The following RADIL variants were observed in gnomAD, a reference collection of about 807,000 sequenced individuals.
The protein encoded by RADIL is ras-associating and dilute domain-containing protein.
RADIL carries 99 observed loss-of-function variants against 97.6 expected under a neutral mutation model. That is an observed-to-expected ratio of 1.01 (90% CI 0.86 to 1.20). The LOEUF (loss-of-function observed/expected upper bound fraction) is 1.20. Among genes scored for constraint, RADIL ranks in the 50% most tolerant of loss-of-function variants. The pLI is 0.00. For missense variants in RADIL, 1,765 were observed against 1,498.9 expected (o/e 1.18, Z -2.93); for synonymous variants, 803 against 691.8 (o/e 1.16, Z -2.52).
At position 4,824,385 on chromosome 7, in the gene RADIL, G is replaced by A. The variant is rs1782917759; in HGVS notation, c.1455-1831C>T. Among the ~76,000 whole-genome samples the A allele has an allele frequency of 6.6e-6, 1 of 152,204 alleles. No individual in the cohort carries two copies. Among genetic ancestry groups the A allele is most frequent in the African/African-American group, 2.4e-5 (1 of 41,454 alleles). On this transcript the variant is annotated intron_variant, in intron 5 of 14. Coordinates refer to ENST00000399583, the MANE Select transcript of RADIL (RefSeq NM_018059.5). This position sits in a 1 kb window ranked among gnomAD's most constrained non-coding sequence, Gnocchi z 6.7. Reference sequence around the variant, plus strand: ...CCCGGCCTGGGGTCCTTTGAAAGGTGCCAAGCCCACAGGAAATGCCACCAG... The same window carrying A: ...CCCGGCCTGGGGTCCTTTGAAAGGTACCAAGCCCACAGGAAATGCCACCAG...
intron 2 of RADIL, chr7:4,860,404 A>G (rs755742760): frequency 1.9e-6 from 3 of 1,613,880 alleles, no homozygotes; most frequent in Non-Finnish European, 2.5e-6. Context: ...CTGCTTGCCT[A>G]TAAACAGTAT....
chr7:4,875,090 G>A (rs1344612741), intron 2 of RADIL, among the ~76,000 whole-genome samples: 2 of 144,206 alleles, frequency 1.4e-5, no homozygotes, highest in Admixed American at 1.3e-4. Context: ...TACTCGGGAG[G>A]CTGAGGCAGG....
chr7:4,875,063 G>A (rs545182889), intron 2 of RADIL, among the ~76,000 whole-genome samples: 6 of 136,440 alleles, frequency 4.4e-5, no homozygotes, highest in South Asian at 2.1e-4. Flanking sequence ...GTGGTGGCGG[G>A]CGCCTGTAGT....
chr7:4,816,282 C>G lies in RADIL; in HGVS notation c.1912G>C (p.Ala638Pro), dbSNP rs749390424. 5.0e-6 allele frequency: 8 copies of G among 1,612,790 alleles called. No individual in the cohort carries two copies. The South Asian group carries it at 8.8e-5, about 18-fold the overall frequency. Residue 638 changes from alanine to proline, a missense_variant, in exon 8 of 15, where the codon GCC becomes CCC. Ala to Pro is a conservative substitution (Grantham distance 27, BLOSUM62 -1). Coordinates refer to ENST00000399583, the MANE Select transcript of RADIL (RefSeq NM_018059.5). ...VHPEVASQML[A>P]YLFFFSGTLL... is the part of the protein sequence containing the mutation. Reference sequence around the variant, plus strand: ...GTCCCGGAGAAGAAGAAGAGGTAGGCGAGCATCTGCGAGGCCACCTCGGGG... The same window carrying G: ...GTCCCGGAGAAGAAGAAGAGGTAGGGGAGCATCTGCGAGGCCACCTCGGGG...
Position 4,840,307 on chromosome 7 carries a change from T to C in RADIL, c.536-3702A>G, listed in dbSNP as rs550063702. On this transcript the variant is annotated intron_variant, in intron 2 of 14. Coordinates refer to ENST00000399583, the MANE Select transcript of RADIL (RefSeq NM_018059.5). The surrounding 1 kb of genome is among the most constrained non-coding windows in gnomAD (Gnocchi z 5.6). The stretch of plus-strand genomic sequence containing the variant: ...GAGTCACCTGAGCGTCTCAGCTCTG[T>C]GCAGACCCAGGGCGGATCTGCCTCA... 1.2e-3 allele frequency among the ~76,000 whole-genome samples: 184 copies of C among 152,302 alleles called. 1 individual carries two copies. The highest frequency in any genetic ancestry group is 3.8e-3 in the African/African-American group (160 of 41,576).
rs112777274 is a variant in RADIL at position 4,842,197 on chromosome 7, C to A, written c.536-5592G>T. Among the ~76,000 whole-genome samples, 1 of 152,070 alleles carries A rather than the reference C, an allele frequency of 6.6e-6. No homozygotes were observed. Among genetic ancestry groups the A allele is most frequent in the Non-Finnish European group, 1.5e-5 (1 of 68,014 alleles). On this transcript the variant is annotated intron_variant, in intron 2 of 14. Transcript: ENST00000399583. The surrounding 1 kb of genome is among the most constrained non-coding windows in gnomAD (Gnocchi z 4.5). ...GATAGAAGGAGTAGAAAGTGCAGGG[C>A]GCCGGGGCAATGGGGAAGATGGGGA...
Position 4,880,197 on chromosome 7 carries a change from A to T in RADIL, c.-64-1994T>A, listed in dbSNP as rs186631401. Among the ~76,000 whole-genome samples, 1 of 152,268 alleles carries T rather than the reference A, an allele frequency of 6.6e-6. No individual in the cohort carries two copies. The highest frequency in any genetic ancestry group is 1.5e-5 in the Non-Finnish European group (1 of 68,022). On this transcript the variant is annotated intron_variant, in intron 1 of 14. Coordinates refer to ENST00000399583, the MANE Select transcript of RADIL (RefSeq NM_018059.5). This position sits in a 1 kb window ranked among gnomAD's most constrained non-coding sequence, Gnocchi z 4.5. The stretch of plus-strand genomic sequence containing the variant: ...CAGATGGAGCCTTGAGGTTCCATCG[A>T]GCCAGGCCATAAAGGAGTAAAGGAG...
intron 2 of RADIL, among the ~76,000 whole-genome samples, chr7:4,844,484 T>G (rs1243848082): frequency 2.6e-5 from 4 of 152,198 alleles, no homozygotes. Flanking sequence ...CAATTATCAT[T>G]ATTTTGCAGA....
intron 5 of RADIL, among the ~76,000 whole-genome samples, chr7:4,829,610 T>C (rs116712164): frequency 0.011 from 1,732 of 152,188 alleles, 39 homozygotes; most frequent in African/African-American, 0.04. Flanking sequence ...TCATCTTAAA[T>C]TGTAGCTCCC....
intron 9 of RADIL, among the ~76,000 whole-genome samples, chr7:4,809,892 A>G (rs1782489908): frequency 6.6e-6 from 1 of 151,084 alleles, no homozygotes; most frequent in South Asian, 2.1e-4. Context: ...TTGCTCTGTC[A>G]CCCAGGCTGG....
chr7:4,874,797 C>T (rs569921723), intron 2 of RADIL, among the ~76,000 whole-genome samples: 8 of 152,268 alleles, frequency 5.3e-5, no homozygotes, highest in Non-Finnish European at 1.0e-4. Context: ...GTGGCTCACA[C>T]CTGTCATCCC....
Position 4,815,999 on chromosome 7 carries a change from G to A in RADIL, c.1966+229C>T, listed in dbSNP as rs1489386405. ...GGAAGGGGTCCCATGCAGACCTCTC[G>A]GCCGTGGCTTCTCTGAAACCCCGAT... is the stretch of plus-strand genomic sequence containing the variant. On this transcript the variant is annotated intron_variant, in intron 8 of 14. Coordinates refer to ENST00000399583, the MANE Select transcript of RADIL (RefSeq NM_018059.5). The surrounding 1 kb of genome is among the most constrained non-coding windows in gnomAD (Gnocchi z 8.0). Among the ~76,000 whole-genome samples the A allele has an allele frequency of 1.3e-5, 2 of 152,132 alleles. No homozygotes were observed. Among genetic ancestry groups the A allele is most frequent in the African/African-American group, 2.4e-5 (1 of 41,428 alleles).
At chr7:4,858,196 C>T (rs1353086991) in intron 2 of RADIL, 1 of 152,114 alleles carries the variant, frequency 6.6e-6, no homozygotes, top group African/African-American at 2.4e-5. Context: ...GACTATATTC[C>T]AACTTTGGAA....
At chr7:4,802,721 C>A (rs1187461538) in intron 11 of RADIL, among the ~76,000 whole-genome samples, 1 of 114,114 alleles carries the variant, frequency 8.8e-6, no homozygotes, top group African/African-American at 3.6e-5. Flanking sequence ...CCCCAGGCAC[C>A]TCGGGGCACG....
Position 4,878,581 on chromosome 7 carries a change from G to A in RADIL, c.-64-378C>T, listed in dbSNP as rs904841044. 2.0e-5 allele frequency among the ~76,000 whole-genome samples: 3 copies of A among 152,178 alleles called. No individual in the cohort carries two copies. The highest frequency in any genetic ancestry group is 3.9e-4 in the East Asian group (2 of 5,190). ...AACAGGCCGTGGGCATCCTGGCCCC[G>A]CAGACCTGACACCAGAGCACCTGAG... On this transcript the variant is annotated intron_variant, in intron 1 of 14. Coordinates refer to ENST00000399583, the MANE Select transcript of RADIL (RefSeq NM_018059.5). The surrounding 1 kb of genome is among the most constrained non-coding windows in gnomAD (Gnocchi z 4.1).
rs766099863 is a variant in RADIL at position 4,801,859 on chromosome 7, G to T, written c.2636C>A (p.Ala879Asp). 3.1e-6 allele frequency: 5 copies of T among 1,594,850 alleles called. No individual in the cohort carries two copies. Among genetic ancestry groups the T allele is most frequent in the East Asian group, 2.3e-5 (1 of 44,136 alleles). ...LPLRGAPWAQAPPGRQPSRGG... is the reference protein window; with the variant it reads ...LPLRGAPWAQDPPGRQPSRGG... Reference sequence around the variant, plus strand: ...ACGGCTGGGTTGCCTTCCAGGGGGGGCCTGTGCCCAGGGAGCCCCCCTCAA... The same window carrying T: ...ACGGCTGGGTTGCCTTCCAGGGGGGTCCTGTGCCCAGGGAGCCCCCCTCAA... The change falls in exon 12 of 15, where the codon GCC (alanine) becomes GAC (aspartate). Residue 879 changes from alanine to aspartate, a missense_variant. Coordinates refer to ENST00000399583, the MANE Select transcript of RADIL (RefSeq NM_018059.5).
At chr7:4,866,468 C>T (rs982373884) in intron 2 of RADIL, among the ~76,000 whole-genome samples, 3 of 152,112 alleles carry the variant, frequency 2.0e-5, no homozygotes, top group Non-Finnish European at 4.4e-5. Context: ...AAAAATATTT[C>T]TCATCCAAGT....
chr7:4,868,563 C>T (rs1054315222), intron 2 of RADIL, among the ~76,000 whole-genome samples: 22 of 152,224 alleles, frequency 1.4e-4, no homozygotes, highest in African/African-American at 3.6e-4. Flanking sequence ...GTGTTAGCCA[C>T]GCTTGCTTCA....
At chr7:4,807,422 C>T (rs959008645) in intron 9 of RADIL, among the ~76,000 whole-genome samples, 1 of 151,968 alleles carries the variant, frequency 6.6e-6, no homozygotes, top group Non-Finnish European at 1.5e-5. Flanking sequence ...GACCAGAGGT[C>T]GGGGCCAAGA....
Sources: allele counts gnomAD v4.1 joint callset (sites outside exome capture counted in the v4.1 genomes callset), GRCh38; gene constraint gnomAD v4.1.1; non-coding constraint Gnocchi (gnomAD v3.1); transcripts MANE v1.5; gene names NCBI Gene and HGNC (gene_info 2026-07-23, HGNC 2026-07-21).